Variants in IL1RAPL1 observed in about 807,000 individuals in gnomAD.
The protein encoded by IL1RAPL1 is interleukin 1 receptor accessory protein like 1, also known as interleukin-1 receptor accessory protein-like 1.
In IL1RAPL1, 3 loss-of-function variants were observed where a neutral mutation model predicts 48.4. The observed-to-expected ratio is 0.06, with a 90% confidence interval of 0.03 to 0.16. The LOEUF (loss-of-function observed/expected upper bound fraction) is 0.16. Ranked by LOEUF, IL1RAPL1 falls within the 10% of genes least tolerant of loss-of-function variation. The pLI, the probability that IL1RAPL1 is intolerant of heterozygous loss-of-function variation, is 1.00. For missense variants in IL1RAPL1, 349 were observed against 530.6 expected (o/e 0.66, Z 3.36); for synonymous variants, 185 against 187.7 (o/e 0.99, Z 0.12).
intron 6 of IL1RAPL1, among the ~76,000 whole-genome samples, chrX:29,836,992 G>T (rs1235166916): frequency 1.8e-5 from 2 of 109,635 alleles, no homozygotes; most frequent in Non-Finnish European, 3.8e-5. Context: ...AGGTGCGGTG[G>T]CTCATGCCTG....
intron 1 of IL1RAPL1, among the ~76,000 whole-genome samples, chrX:28,756,153 G>T (rs764739246): frequency 9.0e-6 from 1 of 111,245 alleles, no homozygotes; most frequent in East Asian, 2.8e-4. Flanking sequence ...TACCCTTTCT[G>T]TCTGTGTTCT....
chrX:28,686,673 C>A (rs1935114994), intron 1 of IL1RAPL1, among the ~76,000 whole-genome samples: 1 of 112,102 alleles, frequency 8.9e-6, no homozygotes, highest in African/African-American at 3.2e-5. Context: ...CATATTACTT[C>A]ATTTCTTGGT....
At chrX:29,761,096 G>T (rs768707584) in intron 6 of IL1RAPL1, among the ~76,000 whole-genome samples, 2 of 111,885 alleles carry the variant, frequency 1.8e-5, no homozygotes, top group South Asian at 7.4e-4. Flanking sequence ...CATTGCTAAG[G>T]ATCTAGAAGT....
intron 6 of IL1RAPL1, among the ~76,000 whole-genome samples, chrX:29,892,735 A>C (rs1358425047): frequency 8.9e-6 from 1 of 112,282 alleles, no homozygotes; most frequent in Non-Finnish European, 1.9e-5. Flanking sequence ...CAATGTGAGG[A>C]TGGCAAAAGA....
At chrX:29,140,392 G>A (rs967490120) in intron 2 of IL1RAPL1, among the ~76,000 whole-genome samples, 1 of 112,058 alleles carries the variant, frequency 8.9e-6, no homozygotes, top group Non-Finnish European at 1.9e-5. Flanking sequence ...CCAGGAAGAA[G>A]CAAAGATGAA....
intron 5 of IL1RAPL1, among the ~76,000 whole-genome samples, chrX:29,444,611 A>G (rs886689744): frequency 9.0e-6 from 1 of 111,529 alleles, no homozygotes; most frequent in Non-Finnish European, 1.9e-5. Context: ...GGGGATGTGG[A>G]CAAGCATTTC....
At chrX:29,009,539 C>T (rs56093196) in intron 2 of IL1RAPL1, among the ~76,000 whole-genome samples, 4,841 of 111,057 alleles carry the variant, frequency 0.044, 111 homozygotes, top group African/African-American at 0.065. Context: ...TTATTTATGC[C>T]GACTTTGTTG....
intron 5 of IL1RAPL1, among the ~76,000 whole-genome samples, chrX:29,495,850 TCTGTCTCTGTCC>T (rs1381430511): frequency 9.0e-6 from 1 of 111,337 alleles, no homozygotes; most frequent in Non-Finnish European, 1.9e-5. Flanking sequence ...CCCTACTGTC[TCTGTCTCTGTCC>T]CTGTCTCTGT....
At chrX:28,995,975 T>G (rs774206386) in intron 2 of IL1RAPL1, among the ~76,000 whole-genome samples, 11 of 111,096 alleles carry the variant, frequency 9.9e-5, no homozygotes, top group Non-Finnish European at 1.7e-4. Context: ...AATTTACCCA[T>G]GCAAAATTTA....
At chrX:28,759,249 AATAAT>A (rs1936138819) in intron 1 of IL1RAPL1, among the ~76,000 whole-genome samples, 1 of 98,382 alleles carries the variant, frequency 1.0e-5, no homozygotes, top group Non-Finnish European at 2.1e-5. Flanking sequence ...AAAAAAAAAA[AATAAT>A]AATAATATAC....
At chrX:29,248,492 A>G (rs1931554611) in intron 2 of IL1RAPL1, among the ~76,000 whole-genome samples, 2 of 112,404 alleles carry the variant, frequency 1.8e-5, no homozygotes, top group Admixed American at 9.4e-5. Flanking sequence ...GCTATTGCAC[A>G]TCAATAAGAA....
chrX:29,430,521 A>T (rs1387247983), intron 5 of IL1RAPL1, among the ~76,000 whole-genome samples: 1 of 110,570 alleles, frequency 9.0e-6, no homozygotes, highest in African/African-American at 3.3e-5. Flanking sequence ...TCAAAGGCAC[A>T]ATATAAGGAA....
intron 5 of IL1RAPL1, among the ~76,000 whole-genome samples, chrX:29,605,071 A>AACACACACACACACAC (rs757087732): frequency 1.5e-5 from 1 of 65,048 alleles, no homozygotes; most frequent in African/African-American, 5.6e-5. Flanking sequence ...CTAAGTCTTA[A>AACACACACACACACAC]ACACACACAC....
chrX:28,615,220 T>TTTG (rs1934204054), intron 1 of IL1RAPL1, among the ~76,000 whole-genome samples: 1 of 84,685 alleles, frequency 1.2e-5, no homozygotes, highest in South Asian at 6.1e-4. Flanking sequence ...TTTTTTTTTT[T>TTTG]TTTTTTTTTT....
intron 1 of IL1RAPL1, among the ~76,000 whole-genome samples, chrX:28,714,396 A>G (rs1334788924): frequency 8.9e-6 from 1 of 112,137 alleles, no homozygotes; most frequent in Admixed American, 9.5e-5. Flanking sequence ...AGAGAGCTGG[A>G]AAAAGTATAG....
chrX:28,904,308 A>T (rs1923160900), intron 2 of IL1RAPL1, among the ~76,000 whole-genome samples: 1 of 111,953 alleles, frequency 8.9e-6, no homozygotes, highest in African/African-American at 3.2e-5. Context: ...GAATATCCAG[A>T]TTAAAATTTC....
chrX:29,305,277 A>G (rs1932600226), intron 3 of IL1RAPL1, among the ~76,000 whole-genome samples: 1 of 112,373 alleles, frequency 8.9e-6, no homozygotes, highest in Admixed American at 9.4e-5. Context: ...GACATAGAAC[A>G]TAAACCTCAA....
chrX:29,921,546 G>A (rs1256413956), intron 8 of IL1RAPL1, among the ~76,000 whole-genome samples: 2 of 112,043 alleles, frequency 1.8e-5, no homozygotes, highest in Non-Finnish European at 3.8e-5. Flanking sequence ...CTATAGTTTA[G>A]TATATAGCCA....
intron 1 of IL1RAPL1, among the ~76,000 whole-genome samples, chrX:28,757,766 T>C (rs1439387327): frequency 3.6e-5 from 4 of 112,211 alleles, no homozygotes; most frequent in African/African-American, 1.3e-4. Flanking sequence ...ACTCAACACA[T>C]GTGCTCTGCT....
Sources: gnomAD v4.1 joint callset for allele counts (sites outside exome capture counted in the v4.1 genomes callset) on GRCh38, gnomAD v4.1.1 for gene constraint, MANE v1.5 for transcripts, NCBI Gene and HGNC (gene_info 2026-07-23, HGNC 2026-07-21) for gene names.